VASH2: variants seen among roughly 807,000 people sequenced by gnomAD.
VASH2 encodes the protein vasohibin 2.
VASH2 carries 28 observed loss-of-function variants against 37.2 expected under a neutral mutation model. The observed-to-expected ratio is 0.75, with a 90% CI of 0.56 to 1.03. The LOEUF (loss-of-function observed/expected upper bound fraction) is 1.03. Among genes scored for constraint, VASH2 ranks in the 50% least tolerant of loss-of-function variants. VASH2 has a pLI of 0.00. For missense variants in VASH2, 419 were observed against 459.1 expected (o/e 0.91, Z 0.80); for synonymous variants, 188 against 174.7 (o/e 1.08, Z -0.60).
chr1:212,951,433 C>A lies in VASH2; in HGVS notation c.-110C>A. 4 of 558,338 alleles carry A rather than the reference C, an allele frequency of 7.2e-6. No individual in the cohort carries two copies. The highest frequency in any genetic ancestry group is 9.2e-6 in the Non-Finnish European group (4 of 435,998). The allele number at this position is 558,338 out of a possible 1,614,324, so 34.6% of individuals were successfully genotyped here. A position where few individuals can be genotyped will look rare whatever the true frequency, so the allele number is the denominator to read the frequency against. ...GCGAGAGGCATGGAGAAGGCCGCCC[C>A]CGCGGGGCGCTGATCCCCTCGCCGC... On this transcript the variant is annotated 5_prime_UTR_variant, in exon 2 of 8. Coordinates refer to ENST00000517399, the MANE Select transcript of VASH2 (RefSeq NM_001301056.2). The surrounding 1 kb of genome is among the most constrained non-coding windows in gnomAD (Gnocchi z 4.4).
chr1:212,966,031 T>G, intron 4 of VASH2: 2 of 599,054 alleles, frequency 3.3e-6, no homozygotes, highest in Non-Finnish European at 5.9e-6. Context: ...AGGCTTCATT[T>G]ATTTGTTCTA....
At chr1:212,967,042 G>T in intron 5 of VASH2, 6 of 1,253,392 alleles carry the variant, frequency 4.8e-6, no homozygotes, top group Non-Finnish European at 6.4e-6. Context: ...ATCGCGCCTG[G>T]CTCGCCAGGG....
rs1230213009 is a variant in VASH2, at chr1:212,971,486, T to G, written c.498-1094T>G. 6.6e-6 allele frequency among the ~76,000 whole-genome samples: 1 copy of G among 152,176 alleles called. No homozygotes were observed. Among genetic ancestry groups the G allele is most frequent in the African/African-American group, 2.4e-5 (1 of 41,444 alleles). On this transcript the variant is annotated intron_variant, in intron 5 of 7. Transcript: ENST00000517399. The surrounding 1 kb of genome is among the most constrained non-coding windows in gnomAD (Gnocchi z 4.0). The stretch of plus-strand genomic sequence containing the variant: ...GCAGGCTGTCGGGCACAGCAGACAC[T>G]CAGGGTAAGTGTTTGTCACACTGAC...
At position 212,951,719 on chromosome 1, in the gene VASH2, C is replaced by T; in HGVS notation, c.177C>T (p.Asp59=). ...TCAACAAGAGCGGCTTCCCCATCGACAGCCACACCTGGGAGCGCATGTGGA... is the reference window on the plus strand; with the variant it reads ...TCAACAAGAGCGGCTTCCCCATCGATAGCCACACCTGGGAGCGCATGTGGA... The part of the protein sequence containing the change: ...FHVNKSGFPI[D]SHTWERMWMH... Residue 59 remains aspartate (D), a synonymous_variant, in exon 2 of 8, where the codon GAC becomes GAT. Coordinates refer to ENST00000517399, the MANE Select transcript of VASH2 (RefSeq NM_001301056.2). The surrounding 1 kb of genome is among the most constrained non-coding windows in gnomAD (Gnocchi z 4.4). 6.2e-7 allele frequency: 1 copy of T among 1,605,150 alleles called. No homozygotes were observed. The highest frequency in any genetic ancestry group is 8.5e-7 in the Non-Finnish European group (1 of 1,177,072).
At chr1:212,956,286 T>C (rs1354174279) in intron 2 of VASH2, among the ~76,000 whole-genome samples, 3 of 152,210 alleles carry the variant, frequency 2.0e-5, no homozygotes, top group African/African-American at 7.2e-5. Flanking sequence ...TTGTTCTTTC[T>C]CTTGAACACC....
chr1:212,973,297 T>C (rs1667067028), intron 6 of VASH2: 3 of 1,061,156 alleles, frequency 2.8e-6, no homozygotes, highest in Non-Finnish European at 3.8e-6. Flanking sequence ...GGACATGAGA[T>C]TTTCAGTATT....
chr1:212,965,834 A>T, intron 4 of VASH2, 56 bp downstream of exon 4: 1 of 1,487,460 alleles, frequency 6.7e-7, no homozygotes, highest in Non-Finnish European at 9.2e-7. Context: ...TCGAGCTGCC[A>T]GCTTCCTCTC....
intron 2 of VASH2, among the ~76,000 whole-genome samples, chr1:212,952,201 C>G (rs1400755031): frequency 6.6e-6 from 1 of 152,222 alleles, no homozygotes; most frequent in Non-Finnish European, 1.5e-5. Flanking sequence ...CCTGCTTGTT[C>G]TCTTTGGAGT....
chr1:212,966,895 T>C (rs1666865853), intron 5 of VASH2: 1 of 366,756 alleles, frequency 2.7e-6, no homozygotes, highest in African/African-American at 2.1e-5. Flanking sequence ...GCCCGGCTAA[T>C]TTTTTGTTTG....
rs1162658597 is a variant in VASH2 at position 212,966,333 on chromosome 1, T to C, written c.485T>C (p.Val162Ala). Reference sequence around the variant, plus strand: ...TTGCCTATCAAATGCCTTGAAGCTGTCATCCTGGGCATGTATCCTTTAAGT... The same window carrying C: ...TTGCCTATCAAATGCCTTGAAGCTGCCATCCTGGGCATGTATCCTTTAAGT... ...ESLPIKCLEA[V>A]ILGIYLTNGQ... Residue 162 changes from valine (V) to alanine (A), a missense_variant, in exon 5 of 8, where the codon GTC becomes GCC. Val to Ala is a moderately conservative substitution (Grantham distance 64). This residue lies in a region of VASH2 where 84 missense variants were observed against 129.9 expected (regional missense o/e 0.65). Transcript: ENST00000517399. The C allele has an allele frequency of 5.8e-6, 9 of 1,551,684 alleles. No homozygotes were observed. The highest frequency in any genetic ancestry group is 1.2e-5 in the South Asian group (1 of 84,060).
chr1:212,982,558 T>A (rs1231860525), intron 7 of VASH2, among the ~76,000 whole-genome samples: 1 of 152,174 alleles, frequency 6.6e-6, no homozygotes, highest in Non-Finnish European at 1.5e-5. Flanking sequence ...GTCCTCTCTA[T>A]ACACAATAGC....
chr1:212,967,492 A>T, intron 5 of VASH2: 2 of 1,131,366 alleles, frequency 1.8e-6, no homozygotes, highest in Non-Finnish European at 2.2e-6. Context: ...CCCAGGCAAG[A>T]TCAGTTAGGT....
At position 212,954,724 on chromosome 1, in the gene VASH2, C is replaced by T. The variant is rs914336645; in HGVS notation, c.276+2906C>T. ...TGAGCCACTGCGCCCAGCTGGTCTTCCCTTTTTTACACAGTGGCCACATCA... is the reference window on the plus strand; with the variant it reads ...TGAGCCACTGCGCCCAGCTGGTCTTTCCTTTTTTACACAGTGGCCACATCA... On this transcript the variant is annotated intron_variant, in intron 2 of 7. Coordinates refer to ENST00000517399, the MANE Select transcript of VASH2 (RefSeq NM_001301056.2). Among the ~76,000 whole-genome samples, 11 of 152,302 alleles carry T rather than the reference C, an allele frequency of 7.2e-5. No homozygotes were observed. In the South Asian group the frequency reaches 1.2e-3, roughly 17 times the overall value.
Position 212,972,879 on chromosome 1 carries a change from A to G in VASH2, c.797A>G (p.Gln266Arg), listed in dbSNP as rs1180447061. Reference protein sequence around the residue: ...PHSFQPIEWKQLVLNVSKMLR... With the variant: ...PHSFQPIEWKRLVLNVSKMLR... Reference sequence around the variant, plus strand: ...AGCTTCCAGCCCATTGAGTGGAAGCAGCTGGTCCTCAACGTCTCAAAGATG... The same window carrying G: ...AGCTTCCAGCCCATTGAGTGGAAGCGGCTGGTCCTCAACGTCTCAAAGATG... The change falls in exon 6 of 8, where the codon CAG (glutamine) becomes CGG (arginine). Residue 266 changes from glutamine (Q) to arginine (R), a missense_variant. Gln to Arg is a conservative substitution (Grantham distance 43). This residue lies in a region of VASH2 where 177 missense variants were observed against 166.2 expected (regional missense o/e 1.06). Coordinates refer to ENST00000517399, the MANE Select transcript of VASH2 (RefSeq NM_001301056.2). The G allele has an allele frequency of 1.2e-6, 2 of 1,614,206 alleles. No individual in the cohort carries two copies. The highest frequency in any genetic ancestry group is 1.7e-6 in the Non-Finnish European group (2 of 1,180,034).
intron 7 of VASH2, among the ~76,000 whole-genome samples, chr1:212,975,171 C>A (rs1446138718): frequency 6.6e-6 from 1 of 152,194 alleles, no homozygotes; most frequent in Non-Finnish European, 1.5e-5. Flanking sequence ...AAACCCAGGT[C>A]CTCTGATTCT....
rs1425472840 is a variant in VASH2, at chr1:212,988,841, A to T, written c.*257A>T. 6.8e-6 allele frequency: 3 copies of T among 439,280 alleles called. No individual in the cohort carries two copies. Among genetic ancestry groups the T allele is most frequent in the Non-Finnish European group, 1.3e-5 (3 of 239,004 alleles). 27.2% of individuals were successfully genotyped at this position (439,280 alleles called of 1,614,324 possible). On this transcript the variant is annotated 3_prime_UTR_variant, in exon 8 of 8. Transcript: ENST00000517399. Reference sequence around the variant, plus strand: ...CACTCAAGATCTTAAGGATAACCGTAACTGAAGTTTTATATTTTTCCATTT... The same window carrying T: ...CACTCAAGATCTTAAGGATAACCGTTACTGAAGTTTTATATTTTTCCATTT...
intron 3 of VASH2, chr1:212,961,481 C>T (rs1666675111): frequency 1.3e-6 from 1 of 795,602 alleles, no homozygotes; most frequent in African/African-American, 1.8e-5. Context: ...TTCTGCTTCT[C>T]TTTCTCCCTC....
intron 7 of VASH2, among the ~76,000 whole-genome samples, chr1:212,977,672 C>A (rs1667219398): frequency 6.6e-6 from 1 of 152,138 alleles, no homozygotes; most frequent in African/African-American, 2.4e-5. Context: ...GAAGAAAGGG[C>A]CCAGCTGAGG....
chr1:212,968,850 G>T (rs1423599842), intron 5 of VASH2: 2 of 985,342 alleles, frequency 2.0e-6, no homozygotes, highest in Non-Finnish European at 2.4e-6. Flanking sequence ...GGGTAGACAA[G>T]CTAACTTCAG....
Sources: gnomAD v4.1 joint callset for allele counts (sites outside exome capture counted in the v4.1 genomes callset) on GRCh38, gnomAD v4.1.1 for gene constraint, gnomAD v4.1.1 regional missense constraint, Gnocchi (gnomAD v3.1) non-coding constraint, MANE v1.5 for transcripts, NCBI Gene and HGNC (gene_info 2026-07-23, HGNC 2026-07-21) for gene names.